Variants in ADAMTS12 observed in about 807,000 individuals in gnomAD.
The protein encoded by ADAMTS12 is A disintegrin and metalloproteinase with thrombospondin motifs 12.
In ADAMTS12, 118 loss-of-function variants were observed where a neutral mutation model predicts 167.8. That is an observed-to-expected ratio of 0.70 (90% CI 0.61 to 0.82). The LOEUF is 0.82. Ranked by LOEUF, ADAMTS12 falls within the 40% of genes least tolerant of loss-of-function variation. The pLI is 0.00. For synonymous variants in ADAMTS12, 704 were observed against 716.9 expected, an observed-to-expected ratio of 0.98 and a Z score of 0.29; for missense variants, 1,916 against 1,998.8, an observed-to-expected ratio of 0.96 and a Z score of 0.79.
chr5:33,572,278 T>G (rs79656119), intron 19 of ADAMTS12, among the ~76,000 whole-genome samples: 4 of 151,626 alleles, frequency 2.6e-5, no homozygotes, highest in African/African-American at 9.7e-5. Flanking sequence ...TACCAAAGCC[T>G]GGCAGAGACA....
At chr5:33,750,158 C>G (rs911581701) in intron 3 of ADAMTS12, among the ~76,000 whole-genome samples, 7 of 152,224 alleles carry the variant, frequency 4.6e-5, no homozygotes, top group Admixed American at 1.3e-4. Flanking sequence ...ACCTTCATCA[C>G]TCAAATCAGC....
At chr5:33,596,255 G>A (rs569485919) in intron 16 of ADAMTS12, among the ~76,000 whole-genome samples, 195 bp from the exon 17 acceptor site, 2 of 152,064 alleles carry the variant, frequency 1.3e-5, no homozygotes, top group African/African-American at 4.8e-5. Context: ...CTGGCAAGAG[G>A]AGGAGGAGAG....
At chr5:33,797,328 T>A (rs1746816306) in intron 2 of ADAMTS12, among the ~76,000 whole-genome samples, 1 of 152,106 alleles carries the variant, frequency 6.6e-6, no homozygotes, top group East Asian at 1.9e-4. Flanking sequence ...TGGAGACTAA[T>A]TAAATGCTAT....
At chr5:33,636,807 T>C (rs971488966) in intron 12 of ADAMTS12, among the ~76,000 whole-genome samples, 3 of 152,212 alleles carry the variant, frequency 2.0e-5, no homozygotes, top group Admixed American at 6.5e-5. Flanking sequence ...AAATATGTTT[T>C]TTGATGTTGA....
intron 2 of ADAMTS12, among the ~76,000 whole-genome samples, chr5:33,778,573 C>T (rs368348583): frequency 1.1e-4 from 17 of 150,784 alleles, no homozygotes; most frequent in East Asian, 5.8e-4. Flanking sequence ...CAGAAGACAA[C>T]TTAGGGAGAA....
chr5:33,769,957 T>C (rs1745680426), intron 2 of ADAMTS12, among the ~76,000 whole-genome samples: 1 of 152,188 alleles, frequency 6.6e-6, no homozygotes, highest in Admixed American at 6.5e-5. Context: ...TCTATAATTT[T>C]CAGCTTAATA....
intron 17 of ADAMTS12, among the ~76,000 whole-genome samples, chr5:33,595,716 A>G (rs759866212): frequency 3.3e-5 from 5 of 152,240 alleles, no homozygotes; most frequent in Non-Finnish European, 5.9e-5. Flanking sequence ...TAAACACAGA[A>G]CACATCACCT....
At chr5:33,670,690 C>T (rs533076416) in intron 5 of ADAMTS12, among the ~76,000 whole-genome samples, 2 of 152,164 alleles carry the variant, frequency 1.3e-5, no homozygotes, top group African/African-American at 2.4e-5. Context: ...TGCGGTGGGC[C>T]GAGATCGTGC....
intron 14 of ADAMTS12, among the ~76,000 whole-genome samples, chr5:33,619,225 A>C (rs1739184042): frequency 6.6e-6 from 1 of 152,196 alleles, no homozygotes; most frequent in African/African-American, 2.4e-5. Context: ...CTCCTTGTAC[A>C]ACCAAAAGAC....
At chr5:33,714,164 T>C (rs1743514029) in intron 3 of ADAMTS12, among the ~76,000 whole-genome samples, 1 of 152,120 alleles carries the variant, frequency 6.6e-6, no homozygotes, top group Non-Finnish European at 1.5e-5. Flanking sequence ...GCTGCCTATA[T>C]GTTACAGCTG....
intron 3 of ADAMTS12, among the ~76,000 whole-genome samples, chr5:33,743,203 A>C (rs1464297449): frequency 6.6e-6 from 1 of 152,188 alleles, no homozygotes; most frequent in Non-Finnish European, 1.5e-5. Context: ...GAGGTGGATG[A>C]TAACAAGGGG....
At chr5:33,704,910 AG>A (rs34872026) in intron 3 of ADAMTS12, among the ~76,000 whole-genome samples, 4,022 of 152,144 alleles carry the variant, frequency 0.026, 171 homozygotes, top group African/African-American at 0.091. Context: ...ATCATTTCCC[AG>A]TCCAATGTTT....
chr5:33,786,680 T>G (rs1746339955), intron 2 of ADAMTS12, among the ~76,000 whole-genome samples: 2 of 152,186 alleles, frequency 1.3e-5, no homozygotes, highest in African/African-American at 4.8e-5. Flanking sequence ...GTGATTCTTG[T>G]GACCAGGTAA....
intron 6 of ADAMTS12, 25 bp downstream of exon 6, chr5:33,661,891 G>A: frequency 2.5e-6 from 4 of 1,612,410 alleles, no homozygotes; most frequent in Non-Finnish European, 3.4e-6. Flanking sequence ...TACTGCCCCT[G>A]GGTTTCATGT....
chr5:33,742,662 T>G (rs1744636056), intron 3 of ADAMTS12, among the ~76,000 whole-genome samples: 1 of 152,234 alleles, frequency 6.6e-6, no homozygotes, highest in South Asian at 2.1e-4. Flanking sequence ...ACACTAGGCT[T>G]GATACTTAAA....
intron 2 of ADAMTS12, among the ~76,000 whole-genome samples, chr5:33,795,627 T>G (rs1447183877): frequency 6.6e-6 from 1 of 152,056 alleles, no homozygotes; most frequent in African/African-American, 2.4e-5. Flanking sequence ...ATGGACAGAC[T>G]CCTCAAGCTC....
chr5:33,633,240 C>T lies in ADAMTS12; in HGVS notation c.1889-2327G>A, dbSNP rs956572370. Among the ~76,000 whole-genome samples the T allele has an allele frequency of 3.7e-5, 5 of 136,482 alleles. 1 individual carries two copies. Among genetic ancestry groups the T allele is most frequent in the African/African-American group, 1.0e-4 (4 of 38,424 alleles). 89.5% of individuals were successfully genotyped at this position (136,482 alleles called of 152,430 possible). A position where few individuals can be genotyped will look rare whatever the true frequency, so the allele number is the denominator to read the frequency against. On this transcript the variant is annotated intron_variant, in intron 12 of 23. Transcript: ENST00000504830. ...CAAATAGGAAAACTGGAAAAGTCTT[C>T]TTTCCCCAGTGATATTCATGACACA...
At chr5:33,633,284 C>G (rs1351782509) in intron 12 of ADAMTS12, among the ~76,000 whole-genome samples, 1 of 42,094 alleles carries the variant, frequency 2.4e-5, no homozygotes, top group Non-Finnish European at 7.5e-5. Flanking sequence ...AAGAGAGTCT[C>G]TAATTTCAAA....
chr5:33,796,843 G>A (rs1038632481), intron 2 of ADAMTS12, among the ~76,000 whole-genome samples: 1 of 152,166 alleles, frequency 6.6e-6, no homozygotes, highest in Admixed American at 6.6e-5. Context: ...ATCATCATTT[G>A]ATTAAAAAAC....
Sources: gnomAD v4.1 joint callset for allele counts (sites outside exome capture counted in the v4.1 genomes callset) on GRCh38, gnomAD v4.1.1 for gene constraint, MANE v1.5 for transcripts, NCBI Gene and HGNC (gene_info 2026-07-23, HGNC 2026-07-21) for gene names.